The following TTLL13 variants were observed in gnomAD, a reference collection of about 807,000 sequenced individuals.
TTLL13 encodes tubulin polyglutamylase TTLL13.
At chr15:90,253,342 G>A in the TTLL13 span, 16 of 1,612,950 alleles carry the variant, frequency 9.9e-6, no homozygotes, top group South Asian at 2.2e-5. Flanking sequence ...TCACTGGAAC[G>A]AGTCATGGAC....
chr15:90,257,417 G>C, the TTLL13 span: 1 of 1,323,272 alleles, frequency 7.6e-7, no homozygotes, highest in Non-Finnish European at 1.0e-6. Flanking sequence ...CATCTAGCTG[G>C]GAGGCAAGTG....
At chr15:90,263,056 ACT>A in the TTLL13 span, 1 of 1,535,928 alleles carries the variant, frequency 6.5e-7, no homozygotes, top group South Asian at 1.2e-5. Flanking sequence ...ACAAAGGGAG[ACT>A]CTCATCCGAA....
the TTLL13 span, among the ~76,000 whole-genome samples, chr15:90,254,188 G>GTTGTTT: frequency 9.6e-6 from 1 of 104,006 alleles, no homozygotes; most frequent in African/African-American, 4.8e-5. Flanking sequence ...GTGAGACCCT[G>GTTGTTT]TTTTTTTTTT....
chr15:90,258,970 T>G, the TTLL13 span: 2 of 1,613,592 alleles, frequency 1.2e-6, no homozygotes, highest in Non-Finnish European at 1.7e-6. Context: ...TCATTATTCC[T>G]GAGAGTAAAA....
chr15:90,257,961 G>A, the TTLL13 span: 1 of 1,390,790 alleles, frequency 7.2e-7, no homozygotes, highest in African/African-American at 1.4e-5. Flanking sequence ...ATTAGCGTTA[G>A]TGTGAGGGAG....
the TTLL13 span, chr15:90,264,046 A>G: frequency 2.0e-6 from 3 of 1,534,256 alleles, no homozygotes; most frequent in Non-Finnish European, 2.6e-6. Context: ...TGCCAGAATC[A>G]GGCTCACTAG....
the TTLL13 span, chr15:90,251,718 AC>A: frequency 2.0e-6 from 2 of 995,234 alleles, no homozygotes; most frequent in Admixed American, 3.5e-5. Flanking sequence ...CTTGCCTCTA[AC>A]CTGTACTGAG....
chr15:90,259,746 G>A, the TTLL13 span, among the ~76,000 whole-genome samples: 1 of 152,154 alleles, frequency 6.6e-6, no homozygotes, highest in Non-Finnish European at 1.5e-5. Flanking sequence ...TTGTCATAAA[G>A]AAACACAGAA....
chr15:90,262,995 G>C, the TTLL13 span: 34 of 1,535,948 alleles, frequency 2.2e-5, no homozygotes, highest in African/African-American at 5.5e-5. Context: ...ACACCATGAG[G>C]CCTCAAGAAA....
At chr15:90,264,059 G>A in the TTLL13 span, 15 of 1,524,756 alleles carry the variant, frequency 9.8e-6, no homozygotes, top group Middle Eastern at 1.7e-4. Flanking sequence ...CTCACTAGCC[G>A]TAAGTATGCA....
the TTLL13 span, chr15:90,257,594 C>T: frequency 1.0e-4 from 162 of 1,577,066 alleles, 1 homozygote; most frequent in Non-Finnish European, 1.2e-4. Flanking sequence ...AGAGGACGGC[C>T]GCATGCAGAC....
chr15:90,262,779 G>A, the TTLL13 span: 1 of 1,234,776 alleles, frequency 8.1e-7, no homozygotes, highest in East Asian at 2.6e-5. Context: ...AGAGAGAGAG[G>A]AGTTCCTAAT....
the TTLL13 span, chr15:90,262,672 G>A: frequency 4.7e-6 from 7 of 1,478,164 alleles, no homozygotes; most frequent in East Asian, 1.5e-4. Flanking sequence ...AGAAAGAGGT[G>A]CCAGGGGTTT....
the TTLL13 span, chr15:90,257,192 T>C: frequency 8.1e-6 from 13 of 1,613,904 alleles, no homozygotes; most frequent in Non-Finnish European, 9.3e-6. Context: ...CCTGATCACA[T>C]CCTGTGACCC....
At chr15:90,260,154 C>T in the TTLL13 span, among the ~76,000 whole-genome samples, 1 of 152,132 alleles carries the variant, frequency 6.6e-6, no homozygotes, top group African/African-American at 2.4e-5. Context: ...CAGTACTGGA[C>T]TAAATAAACA....
the TTLL13 span, among the ~76,000 whole-genome samples, chr15:90,260,612 G>A: frequency 6.6e-6 from 1 of 152,122 alleles, no homozygotes; most frequent in African/African-American, 2.4e-5. Flanking sequence ...CAGCCCTTTG[G>A]GAGGCTGAGG....
chr15:90,250,069 TC>T, the TTLL13 span, among the ~76,000 whole-genome samples: 65 of 151,908 alleles, frequency 4.3e-4, no homozygotes, highest in African/African-American at 1.5e-3. Flanking sequence ...GTGATTCTCC[TC>T]CCTCAGCCTC....
the TTLL13 span, chr15:90,250,703 G>C: frequency 1.2e-6 from 2 of 1,614,176 alleles, no homozygotes; most frequent in South Asian, 1.1e-5. Flanking sequence ...TGAGAAGTGT[G>C]TTAAAGAGGG....
At chr15:90,258,761 T>C in the TTLL13 span, 1 of 1,614,148 alleles carries the variant, frequency 6.2e-7, no homozygotes, top group Non-Finnish European at 8.5e-7. Flanking sequence ...CTCTCCAAGC[T>C]TTACCACGGA....
Sources: gnomAD v4.1 joint callset for allele counts (sites outside exome capture counted in the v4.1 genomes callset) on GRCh38, gnomAD v4.1.1 for gene constraint, MANE v1.5 for transcripts, NCBI Gene and HGNC (gene_info 2026-07-23, HGNC 2026-07-21) for gene names.